SH3GL2: variants seen among roughly 807,000 people sequenced by gnomAD.
SH3GL2 encodes the protein SH3 domain containing GRB2 like 2, endophilin A1.
Under a neutral mutation model 46.0 loss-of-function variants are expected in SH3GL2, and 24 were observed. The observed-to-expected ratio is 0.52, with a 90% confidence interval of 0.38 to 0.73. The LOEUF (loss-of-function observed/expected upper bound fraction) is 0.73. Among genes scored for constraint, SH3GL2 ranks in the 30% least tolerant of loss-of-function variants. SH3GL2 has a pLI of 0.00. For missense variants in SH3GL2, 413 were observed against 424.2 expected (o/e 0.97, Z 0.23); for synonymous variants, 196 against 147.1 (o/e 1.33, Z -2.40).
intron 1 of SH3GL2, among the ~76,000 whole-genome samples, chr9:17,613,356 A>G (rs1338058623): frequency 6.6e-6 from 1 of 152,236 alleles, no homozygotes; most frequent in Non-Finnish European, 1.5e-5. Context: ...GCTGAAAACT[A>G]TGCGTGCCTT....
In SH3GL2 at chr9:17,793,367, A is replaced by G. The variant is rs1265339187; in HGVS notation, c.729A>G (p.Arg243=). Residue 243 remains arginine, a splice_region_variant and synonymous_variant, in exon 8 of 9, where the codon AGA becomes AGG. Coordinates refer to ENST00000380607, the MANE Select transcript of SH3GL2 (RefSeq NM_003026.5). The part of the protein sequence containing the change: ...LQQVTVRLEE[R]IRQASSQPRR... The stretch of plus-strand genomic sequence containing the variant: ...TCCACCACTTTTCTTTTTACTGCAG[A>G]ATAAGACAGGCTTCATCTCAGCCTA... The G allele has an allele frequency of 1.2e-6, 2 of 1,609,676 alleles. No homozygotes were observed. Among genetic ancestry groups the G allele is most frequent in the Non-Finnish European group, 1.7e-6 (2 of 1,178,290 alleles).
rs1822811796 is a variant in SH3GL2, at chr9:17,750,474, C to G, written c.114+3340C>G. ...TCATCATGTGTGTCCCTTAGCTCTG[C>G]AGCCCTCCTCTCCCTGAGCTGATTG... On this transcript the variant is annotated intron_variant, in intron 2 of 8. Coordinates refer to ENST00000380607, the MANE Select transcript of SH3GL2 (RefSeq NM_003026.5). Among the ~76,000 whole-genome samples the G allele has an allele frequency of 2.0e-5, 3 of 152,186 alleles. No individual in the cohort carries two copies. The South Asian group carries it at 6.2e-4, about 32-fold the overall frequency.
intron 1 of SH3GL2, among the ~76,000 whole-genome samples, chr9:17,615,101 C>T (rs1818956616): frequency 6.6e-6 from 1 of 152,122 alleles, no homozygotes; most frequent in Non-Finnish European, 1.5e-5. Context: ...CTGCCTACTC[C>T]CAGGTGTTAA....
intron 1 of SH3GL2, among the ~76,000 whole-genome samples, chr9:17,700,007 C>T (rs1164401602): frequency 6.7e-6 from 1 of 150,332 alleles, no homozygotes; most frequent in East Asian, 2.0e-4. Flanking sequence ...CCTGAGAGTG[C>T]ATTGGAGTGC....
intron 1 of SH3GL2, among the ~76,000 whole-genome samples, chr9:17,726,379 A>G (rs965379297): frequency 6.6e-6 from 1 of 152,170 alleles, no homozygotes; most frequent in Non-Finnish European, 1.5e-5. Flanking sequence ...TAAGTACTCA[A>G]TAAACGTCTG....
rs1588173975 is a variant in SH3GL2 at position 17,614,403 on chromosome 9, A to G, written c.45+35116A>G. 2.0e-5 allele frequency among the ~76,000 whole-genome samples: 3 copies of G among 150,680 alleles called. No individual in the cohort carries two copies. In the East Asian group the frequency reaches 5.9e-4, roughly 30 times the overall value. On this transcript the variant is annotated intron_variant, in intron 1 of 8. Coordinates refer to ENST00000380607, the MANE Select transcript of SH3GL2 (RefSeq NM_003026.5). ...TTTTGGAGGAAATGGGAAAGATTGG[A>G]TTGAGCCCTTGTGTCAAGGAAATTG...
chr9:17,757,082 A>T (rs1386976290), intron 2 of SH3GL2, among the ~76,000 whole-genome samples: 2 of 152,154 alleles, frequency 1.3e-5, no homozygotes, highest in Non-Finnish European at 2.9e-5. Context: ...GCCAGTGATG[A>T]TGAGCATTTT....
intron 1 of SH3GL2, among the ~76,000 whole-genome samples, chr9:17,618,230 A>T (rs1330025117): frequency 6.6e-6 from 1 of 152,206 alleles, no homozygotes; most frequent in East Asian, 1.9e-4. Context: ...GTAGAGCTCA[A>T]GGATGCTGCT....
chr9:17,771,120 G>T (rs1360319750), intron 3 of SH3GL2, among the ~76,000 whole-genome samples: 1 of 152,170 alleles, frequency 6.6e-6, no homozygotes, highest in Non-Finnish European at 1.5e-5. Flanking sequence ...CCTATTTCAA[G>T]CATACAACTG....
intron 1 of SH3GL2, among the ~76,000 whole-genome samples, chr9:17,724,040 A>C (rs2118364088): frequency 6.6e-6 from 1 of 152,088 alleles, no homozygotes; most frequent in Middle Eastern, 3.4e-3. Flanking sequence ...CAGTTTGGAA[A>C]ATTTTTAGCT....
chr9:17,583,290 G>C (rs1033749), intron 1 of SH3GL2, among the ~76,000 whole-genome samples: 2 of 152,032 alleles, frequency 1.3e-5, no homozygotes, highest in East Asian at 1.9e-4. Flanking sequence ...TCTAAAATAC[G>C]TATGTTGAAG....
intron 1 of SH3GL2, among the ~76,000 whole-genome samples, chr9:17,629,664 C>T (rs1000671549): frequency 3.3e-5 from 5 of 152,112 alleles, no homozygotes; most frequent in Non-Finnish European, 1.5e-5. Flanking sequence ...ATATCCTTGC[C>T]ATTTTTCATG....
At chr9:17,682,996 A>G (rs1820812595) in intron 1 of SH3GL2, among the ~76,000 whole-genome samples, 1 of 152,160 alleles carries the variant, frequency 6.6e-6, no homozygotes, top group South Asian at 2.1e-4. Context: ...GATAGTATAC[A>G]AAATGACTTT....
chr9:17,678,472 T>G (rs1820675028), intron 1 of SH3GL2, among the ~76,000 whole-genome samples: 2 of 152,230 alleles, frequency 1.3e-5, no homozygotes, highest in African/African-American at 4.8e-5. Context: ...GCCCACTTTT[T>G]GATGGGGTTG....
At chr9:17,586,727 T>C (rs1818384144) in intron 1 of SH3GL2, among the ~76,000 whole-genome samples, 1 of 152,158 alleles carries the variant, frequency 6.6e-6, no homozygotes, top group Admixed American at 6.5e-5. Context: ...ATTCACTCAC[T>C]ATCACGAGAA....
At position 17,735,715 on chromosome 9, in the gene SH3GL2, A is replaced by C. The variant is rs528218279; in HGVS notation, c.46-11351A>C. On this transcript the variant is annotated intron_variant, in intron 1 of 8. Transcript: ENST00000380607. Reference sequence around the variant, plus strand: ...TACACTGAGGGACAACTCTGTTGGCACAGAGTTGATTGAGGCAGTAGGAAA... The same window carrying C: ...TACACTGAGGGACAACTCTGTTGGCCCAGAGTTGATTGAGGCAGTAGGAAA... The C allele has an allele frequency of 1.7e-5, 16 of 950,986 alleles. No homozygotes were observed. In the African/African-American group the frequency reaches 2.5e-4, roughly 15 times the overall value. The allele number at this position is 950,986 out of a possible 1,614,324, so 58.9% of individuals were successfully genotyped here.
chr9:17,593,299 T>TGTG (rs1818517896), intron 1 of SH3GL2, among the ~76,000 whole-genome samples: 1 of 151,898 alleles, frequency 6.6e-6, no homozygotes, highest in Non-Finnish European at 1.5e-5. Context: ...GACTGGCATC[T>TGTG]GAAGCCAGTT....
chr9:17,696,280 T>C (rs111257912), intron 1 of SH3GL2, among the ~76,000 whole-genome samples: 110 of 152,222 alleles, frequency 7.2e-4, no homozygotes, highest in Non-Finnish European at 1.2e-3. Context: ...TATTTTGTAA[T>C]GAATATTTCA....
intron 1 of SH3GL2, among the ~76,000 whole-genome samples, chr9:17,586,201 G>A (rs77125232): frequency 0.018 from 2,695 of 152,158 alleles, 87 homozygotes; most frequent in African/African-American, 0.061. Flanking sequence ...TGATGTTGTA[G>A]TTGCTCTACC....
Sources: gnomAD v4.1 joint callset for allele counts (sites outside exome capture counted in the v4.1 genomes callset) on GRCh38, gnomAD v4.1.1 for gene constraint, MANE v1.5 for transcripts, NCBI Gene and HGNC (gene_info 2026-07-23, HGNC 2026-07-21) for gene names.